Variants in ZNF107 observed in about 807,000 individuals in gnomAD.
The protein encoded by ZNF107 is C2H2 type zinc-finger protein.
ZNF107 carries 19 observed loss-of-function variants against 12.3 expected under a neutral mutation model. That is an observed-to-expected ratio of 1.55 (90% CI 1.08 to 2.27). ZNF107 has a LOEUF of 2.27. Among genes scored for constraint, ZNF107 ranks in the 30% most tolerant of loss-of-function variants. The pLI is 0.00. For missense variants in ZNF107, 958 were observed against 979.9 expected (o/e 0.98, Z 0.30); for synonymous variants, 317 against 330.5 (o/e 0.96, Z 0.44).
intron 1 of ZNF107, among the ~76,000 whole-genome samples, chr7:64,675,419 T>C (rs1789381637): frequency 6.6e-6 from 1 of 152,198 alleles, no homozygotes; most frequent in South Asian, 2.1e-4. Flanking sequence ...TCAACAGTTA[T>C]TTGTGTTTTT....
At chr7:64,701,958 GCTA>G (rs1790490038) in intron 3 of ZNF107, among the ~76,000 whole-genome samples, 1 of 151,974 alleles carries the variant, frequency 6.6e-6, no homozygotes, top group Non-Finnish European at 1.5e-5. Context: ...AATAAATGAA[GCTA>G]CTATTATCAT....
intron 1 of ZNF107, chr7:64,687,182 A>G (rs986146845): frequency 9.1e-6 from 9 of 986,218 alleles, no homozygotes; most frequent in Non-Finnish European, 9.6e-6. Context: ...CTGTTTTGGA[A>G]GCCCTATTAC....
intron 3 of ZNF107, among the ~76,000 whole-genome samples, chr7:64,705,962 T>A (rs1790625860): frequency 6.6e-6 from 1 of 150,634 alleles, no homozygotes; most frequent in Non-Finnish European, 1.5e-5. Context: ...TTATTTTTCT[T>A]GTCTTTAAAA....
intron 3 of ZNF107, among the ~76,000 whole-genome samples, chr7:64,695,894 C>T (rs1251583470): frequency 6.6e-6 from 1 of 151,966 alleles, no homozygotes; most frequent in Non-Finnish European, 1.5e-5. Flanking sequence ...GTTGTAAAAA[C>T]TCATTACATA....
intron 3 of ZNF107, among the ~76,000 whole-genome samples, chr7:64,701,982 T>C (rs1310764729): frequency 6.6e-6 from 1 of 152,184 alleles, no homozygotes; most frequent in Non-Finnish European, 1.5e-5. Flanking sequence ...TTTATTATTA[T>C]TGTTTTATGT....
chr7:64,677,633 C>T (rs975638832), intron 1 of ZNF107, among the ~76,000 whole-genome samples: 56 of 151,524 alleles, frequency 3.7e-4, no homozygotes, highest in African/African-American at 1.2e-3. Flanking sequence ...GCGGGCGGAT[C>T]ATGAGATCAG....
At chr7:64,673,216 G>A (rs951387822) in intron 1 of ZNF107, among the ~76,000 whole-genome samples, 11 of 152,094 alleles carry the variant, frequency 7.2e-5, no homozygotes, top group African/African-American at 2.7e-4. Flanking sequence ...GCTAATTTTT[G>A]TATTTTTAGT....
intron 1 of ZNF107, chr7:64,687,510 A>G (rs1425412458): frequency 2.0e-6 from 2 of 985,352 alleles, no homozygotes; most frequent in African/African-American, 1.7e-5. Flanking sequence ...GGCAGATGGT[A>G]GGAGTCAAGA....
chr7:64,691,821 A>T, intron 2 of ZNF107, 44 bp from the exon 3 acceptor site: 1 of 1,163,146 alleles, frequency 8.6e-7, no homozygotes. Flanking sequence ...TAATTGGAGA[A>T]TATGATTAAG....
At chr7:64,702,152 T>C (rs1790495508) in intron 3 of ZNF107, among the ~76,000 whole-genome samples, 1 of 131,276 alleles carries the variant, frequency 7.6e-6, no homozygotes, top group Non-Finnish European at 1.8e-5. Flanking sequence ...TTAAAACAGT[T>C]TTATTTTTTT....
chr7:64,681,806 C>T (rs1789688798), intron 1 of ZNF107, among the ~76,000 whole-genome samples: 1 of 152,144 alleles, frequency 6.6e-6, no homozygotes, highest in African/African-American at 2.4e-5. Flanking sequence ...TTCGTCTCAT[C>T]AATCAGATTG....
At chr7:64,695,037 A>C (rs1269986587) in intron 3 of ZNF107, among the ~76,000 whole-genome samples, 1 of 151,954 alleles carries the variant, frequency 6.6e-6, no homozygotes, top group Non-Finnish European at 1.5e-5. Flanking sequence ...TATATTAGAG[A>C]CTCTAACCAT....
intron 3 of ZNF107, among the ~76,000 whole-genome samples, chr7:64,700,859 A>G (rs1045129675): frequency 9.2e-5 from 14 of 151,862 alleles, no homozygotes; most frequent in African/African-American, 3.4e-4. Flanking sequence ...TTTATAAGTT[A>G]TCTGCTCTCA....
chr7:64,707,818 T>G lies in ZNF107; in HGVS notation c.1721T>G (p.Phe574Cys). ...AAATGTGAAGAATGTGGAAAAGCCT[T>G]TAATCAATCCTATCAACTTACTAGA... ...PYKCEECGKA[F>C]NQSYQLTRHK... is the part of the protein sequence containing the mutation. The change falls in exon 4 of 4, where the codon TTT (phenylalanine) becomes TGT (cysteine). Residue 574 changes from phenylalanine (F) to cysteine (C), a missense_variant. Transcript: ENST00000620827. 4 of 1,611,614 alleles carry G rather than the reference T, an allele frequency of 2.5e-6. No individual in the cohort carries two copies. Among genetic ancestry groups the G allele is most frequent in the Non-Finnish European group, 3.4e-6 (4 of 1,179,294 alleles).
intron 1 of ZNF107, among the ~76,000 whole-genome samples, chr7:64,684,198 C>T (rs901580116): frequency 6.6e-6 from 1 of 152,166 alleles, no homozygotes; most frequent in Admixed American, 6.5e-5. Flanking sequence ...CGCCCATGAA[C>T]CTACCAGGTA....
intron 1 of ZNF107, among the ~76,000 whole-genome samples, chr7:64,676,758 A>G (rs1284154175): frequency 6.6e-6 from 1 of 152,132 alleles, no homozygotes; most frequent in Non-Finnish European, 1.5e-5. Flanking sequence ...TTCTGTTAAA[A>G]TTTTATCATA....
chr7:64,687,751 C>G (rs968743828), intron 1 of ZNF107, among the ~76,000 whole-genome samples: 2 of 152,192 alleles, frequency 1.3e-5, no homozygotes, highest in African/African-American at 4.8e-5. Flanking sequence ...TCTGTCTTTG[C>G]AATCTCTTAA....
chr7:64,681,596 A>G (rs149744216), intron 1 of ZNF107, among the ~76,000 whole-genome samples: 145 of 151,752 alleles, frequency 9.6e-4, no homozygotes, highest in African/African-American at 3.4e-3. Flanking sequence ...CTCCCTTGCT[A>G]CAGATCACTC....
rs1197370218 is a variant in ZNF107 at position 64,708,372 on chromosome 7, A to G, written c.2275A>G (p.Lys759Glu). 6.2e-7 allele frequency: 1 copy of G among 1,613,294 alleles called. No individual in the cohort carries two copies. The highest frequency in any genetic ancestry group is 8.5e-7 in the Non-Finnish European group (1 of 1,179,826). The change falls in exon 4 of 4, where the codon AAA (lysine) becomes GAA (glutamate). Residue 759 changes from lysine (K) to glutamate (E), a missense_variant. Coordinates refer to ENST00000620827, the MANE Select transcript of ZNF107 (RefSeq NM_001282359.2). ...ACATAAGAAAATTCATACTGGAGAG[A>G]AACCCTATAAATGTGAAGAATGTGG... ...TAHKKIHTGE[K>E]PYKCEECGKA...
Sources: gnomAD v4.1 joint callset for allele counts (sites outside exome capture counted in the v4.1 genomes callset) on GRCh38, gnomAD v4.1.1 for gene constraint, MANE v1.5 for transcripts, NCBI Gene and HGNC (gene_info 2026-07-23, HGNC 2026-07-21) for gene names.